The following MINDY4 variants were observed in gnomAD, a reference collection of about 807,000 sequenced individuals.
The protein encoded by MINDY4 is MINDY lysine 48 deubiquitinase 4, also known as probable ubiquitin carboxyl-terminal hydrolase MINDY-4.
Under a neutral mutation model 87.0 loss-of-function variants are expected in MINDY4, and 68 were observed. That is an observed-to-expected ratio of 0.78 (90% confidence interval 0.64 to 0.96). MINDY4 has a LOEUF of 0.96. MINDY4 is among the 40% of genes least tolerant of loss of function. MINDY4 has a pLI of 0.00. For missense variants in MINDY4, 919 were observed against 928.2 expected (o/e 0.99, Z 0.13); for synonymous variants, 379 against 363.2 (o/e 1.04, Z -0.50).
chr7:30,878,839 C>T (rs770761302), intron 15 of MINDY4, among the ~76,000 whole-genome samples: 2 of 152,220 alleles, frequency 1.3e-5, no homozygotes, highest in Non-Finnish European at 2.9e-5. Flanking sequence ...GGAGCACGTC[C>T]TCTCCATCAG....
At chr7:30,875,348 T>C (rs1790226129) in intron 14 of MINDY4, 147 bp from the exon 15 acceptor site, 1 of 888,618 alleles carries the variant, frequency 1.1e-6, no homozygotes. Context: ...GTGGGAGAAT[T>C]GAAGTCACAG....
chr7:30,780,256 G>T (rs1252408382), intron 2 of MINDY4: 2 of 152,202 alleles, frequency 1.3e-5, no homozygotes, highest in Non-Finnish European at 2.9e-5. Flanking sequence ...TCTAAGGCAG[G>T]AGAGTGGACT....
At chr7:30,834,344 AC>A (rs1788797141) in intron 6 of MINDY4, among the ~76,000 whole-genome samples, 1 of 152,220 alleles carries the variant, frequency 6.6e-6, no homozygotes, top group African/African-American at 2.4e-5. Flanking sequence ...TAGGCCTTGC[AC>A]CTTTGAAGCC....
chr7:30,844,682 G>A (rs1222803883), intron 9 of MINDY4, among the ~76,000 whole-genome samples: 1 of 152,202 alleles, frequency 6.6e-6, no homozygotes, highest in African/African-American at 2.4e-5. Context: ...GTGGGTGGGT[G>A]TCTAGCCTGT....
intron 4 of MINDY4, chr7:30,786,451 G>A (rs887815546): frequency 1.4e-4 from 22 of 159,264 alleles, no homozygotes; most frequent in African/African-American, 4.1e-4. Context: ...TTGTCCCACC[G>A]CCCCATCTCT....
chr7:30,879,551 C>A (rs1490194737), intron 15 of MINDY4, among the ~76,000 whole-genome samples: 1 of 152,250 alleles, frequency 6.6e-6, no homozygotes, highest in African/African-American at 2.4e-5. Context: ...CCACCTCAGC[C>A]CGCACCACTC....
intron 8 of MINDY4, 56 bp downstream of exon 8, chr7:30,839,372 G>T (rs1272981707): frequency 2.7e-6 from 3 of 1,108,710 alleles, no homozygotes; most frequent in African/African-American, 1.6e-5. Flanking sequence ...ATGCATAGGG[G>T]TGGGTGTACC....
chr7:30,853,318 G>A (rs1789473304), intron 11 of MINDY4, 76 bp from the exon 12 acceptor site: 1 of 1,257,354 alleles, frequency 8.0e-7, no homozygotes, highest in Non-Finnish European at 1.2e-6. Flanking sequence ...ACTAAAGCCA[G>A]GGAGCAGAAG....
chr7:30,856,500 T>C (rs1789573144), intron 12 of MINDY4, among the ~76,000 whole-genome samples: 1 of 151,342 alleles, frequency 6.6e-6, no homozygotes, highest in African/African-American at 2.4e-5. Flanking sequence ...TAATAATAGT[T>C]CCCCAAATTT....
At chr7:30,855,842 CCCT>C (rs1244374548) in intron 12 of MINDY4, among the ~76,000 whole-genome samples, 8 of 152,228 alleles carry the variant, frequency 5.3e-5, no homozygotes, top group African/African-American at 1.4e-4. Flanking sequence ...CAATATTCGG[CCCT>C]CCTCACTCTG....
intron 13 of MINDY4, among the ~76,000 whole-genome samples, chr7:30,860,655 G>C (rs1253571290): frequency 6.6e-6 from 1 of 150,642 alleles, no homozygotes; most frequent in Non-Finnish European, 1.5e-5. Context: ...GGGAGTCTAG[G>C]GCTCTGTGCT....
chr7:30,846,152 T>G (rs1789209845), intron 9 of MINDY4, among the ~76,000 whole-genome samples: 1 of 152,166 alleles, frequency 6.6e-6, no homozygotes, highest in Non-Finnish European at 1.5e-5. Flanking sequence ...CTGTGGACAT[T>G]GGTAGCAGAA....
chr7:30,791,422 G>A lies in MINDY4; in HGVS notation c.921G>A (p.Arg307=). The change falls in exon 5 of 18, where the codon AGG becomes AGA. Residue 307 remains arginine, a synonymous_variant. Transcript: ENST00000265299. ...RLPPWDRARP[R]DPSEDTPAVD... ...CCCCATGGGACAGGGCCAGGCCGAG[G>A]GATCCCTCCGAGGACACCCCAGCAG... The A allele has an allele frequency of 6.2e-7, 1 of 1,614,126 alleles. No homozygotes were observed. Among genetic ancestry groups the A allele is most frequent in the South Asian group, 1.1e-5 (1 of 91,082 alleles).
intron 12 of MINDY4, chr7:30,858,863 C>T (rs1184081161): frequency 2.5e-6 from 1 of 395,884 alleles, no homozygotes; most frequent in Non-Finnish European, 5.0e-6. Context: ...AGTTTCTGAG[C>T]CTCAGTTCCA....
intron 17 of MINDY4, among the ~76,000 whole-genome samples, chr7:30,883,796 C>T (rs927942301): frequency 6.6e-6 from 1 of 152,092 alleles, no homozygotes; most frequent in Admixed American, 6.5e-5. Context: ...TCTGGGGGAG[C>T]AGTGGAACTG....
At chr7:30,885,714 C>G (rs1025880775) in intron 17 of MINDY4, among the ~76,000 whole-genome samples, 1 of 150,838 alleles carries the variant, frequency 6.6e-6, no homozygotes, top group African/African-American at 2.5e-5. Context: ...CCACCCCCCC[C>G]CCAACCCTGC....
In MINDY4 at chr7:30,875,526, C is replaced by G. The variant is rs1427436100; in HGVS notation, c.1841C>G (p.Ala614Gly). The stretch of plus-strand genomic sequence containing the variant: ...GTCAATCTGCTCCTGACTGGGAAAG[C>G]TGTGTCCAACGTTTTCAACGATGTG... ...ELVNLLLTGK[A>G]VSNVFNDVVE... The change falls in exon 15 of 18, where the codon GCT becomes GGT. Residue 614 changes from alanine (A) to glycine (G), a missense_variant. Coordinates refer to ENST00000265299, the MANE Select transcript of MINDY4 (RefSeq NM_032222.3). 6.2e-7 allele frequency: 1 copy of G among 1,614,144 alleles called. No individual in the cohort carries two copies. Among genetic ancestry groups the G allele is most frequent in the African/African-American group, 1.3e-5 (1 of 74,958 alleles).
chr7:30,799,462 C>T (rs1327321765), intron 5 of MINDY4, among the ~76,000 whole-genome samples: 1 of 152,224 alleles, frequency 6.6e-6, no homozygotes, highest in East Asian at 1.9e-4. Flanking sequence ...CTGTTCCAGG[C>T]TGTTCCTGGC....
chr7:30,882,680 C>G (rs1227721867), intron 16 of MINDY4, among the ~76,000 whole-genome samples: 1 of 152,174 alleles, frequency 6.6e-6, no homozygotes, highest in East Asian at 1.9e-4. Context: ...GTTTTGGAAT[C>G]AGGGTGGTGA....
Sources: allele counts gnomAD v4.1 joint callset (sites outside exome capture counted in the v4.1 genomes callset), GRCh38; gene constraint gnomAD v4.1.1; transcripts MANE v1.5; gene names NCBI Gene and HGNC (gene_info 2026-07-23, HGNC 2026-07-21).